Variants in ZFHX3 observed in about 807,000 individuals in gnomAD.
ZFHX3 encodes zinc finger homeobox protein 3.
In ZFHX3, 42 loss-of-function variants were observed where a neutral mutation model predicts 279.1. The ratio of observed to expected loss-of-function variants is 0.15; its 90% CI spans 0.12 to 0.19. ZFHX3 has a LOEUF of 0.19. Ranked by LOEUF, ZFHX3 falls within the 10% of genes least tolerant of loss-of-function variation. ZFHX3 has a pLI of 1.00. For synonymous variants in ZFHX3, 2,293 were observed against 1,957.8 expected (o/e 1.17, Z -4.52); for missense variants, 4,981 against 4,754.0 (o/e 1.05, Z -1.40).
intron 7 of ZFHX3, chr16:72,807,094 C>T (rs1273700721): frequency 2.0e-5 from 3 of 152,194 alleles, no homozygotes; most frequent in Admixed American, 2.0e-4. Context: ...CCCATGCCTT[C>T]CACCCTTCTT....
intron 1 of ZFHX3, among the ~76,000 whole-genome samples, chr16:73,054,771 T>C (rs1370504258): frequency 6.6e-6 from 1 of 152,128 alleles, no homozygotes; most frequent in Non-Finnish European, 1.5e-5. Flanking sequence ...GGCATATATA[T>C]AGCCGCCGTT....
At chr16:73,645,033 G>A (rs927117529) in intron 2 of ZFHX3, among the ~76,000 whole-genome samples, 3 of 152,198 alleles carry the variant, frequency 2.0e-5, no homozygotes, top group Non-Finnish European at 4.4e-5. Flanking sequence ...GTTTAGGGGA[G>A]GCAGGAGAGA....
intron 4 of ZFHX3, among the ~76,000 whole-genome samples, chr16:72,839,454 G>C (rs1345995367): frequency 6.6e-6 from 1 of 152,088 alleles, no homozygotes; most frequent in African/African-American, 2.4e-5. Flanking sequence ...GAATGTTCTA[G>C]AAAGAAGGGG....
intron 2 of ZFHX3, among the ~76,000 whole-genome samples, chr16:72,957,043 T>C (rs530969190): frequency 2.0e-5 from 3 of 152,136 alleles, no homozygotes; most frequent in Non-Finnish European, 4.4e-5. Context: ...AATGATTGCC[T>C]CAGCTACAGT....
At chr16:72,884,576 C>G (rs1406302235) in intron 4 of ZFHX3, among the ~76,000 whole-genome samples, 1 of 152,004 alleles carries the variant, frequency 6.6e-6, no homozygotes, top group African/African-American at 2.4e-5. Context: ...ATTTGGAGGT[C>G]TATGTCTACA....
chr16:73,527,783 C>T (rs994606618), intron 2 of ZFHX3, among the ~76,000 whole-genome samples: 6 of 152,206 alleles, frequency 3.9e-5, no homozygotes, highest in African/African-American at 1.4e-4. Context: ...GGACCCAAGA[C>T]CTGCCACCAG....
intron 1 of ZFHX3, among the ~76,000 whole-genome samples, chr16:73,044,841 G>A (rs1345749979): frequency 2.0e-5 from 3 of 152,026 alleles, no homozygotes; most frequent in African/African-American, 4.8e-5. Flanking sequence ...GGCTGGTCTC[G>A]AACTCCCAAC....
intron 1 of ZFHX3, among the ~76,000 whole-genome samples, chr16:73,735,567 C>T (rs950708232): frequency 3.9e-5 from 6 of 152,102 alleles, no homozygotes; most frequent in Non-Finnish European, 8.8e-5. Context: ...TCAGAAATAA[C>T]CTGGTTTGCA....
intron 4 of ZFHX3, among the ~76,000 whole-genome samples, chr16:72,861,790 G>A (rs1011404341): frequency 7.9e-5 from 12 of 152,066 alleles, no homozygotes; most frequent in Non-Finnish European, 1.6e-4. Flanking sequence ...AGAGGCGGGC[G>A]GGTCACTTAA....
exon 1 of ZFHX3, chr16:73,058,572 GCGA>G: frequency 4.3e-6 from 1 of 233,200 alleles, no homozygotes; most frequent in Non-Finnish European, 8.2e-6. Context: ...GGCGCTGCTG[GCGA>G]CGGCGGCGGC....
At chr16:73,060,008 TAAGAG>T (rs1248135682), upstream of ZFHX3, among the ~76,000 whole-genome samples, 1 of 152,088 alleles carries the variant, frequency 6.6e-6, no homozygotes, top group Non-Finnish European at 1.5e-5. Flanking sequence ...TTTCTGGACT[TAAGAG>T]AAAAGTAAAA....
intron 2 of ZFHX3, among the ~76,000 whole-genome samples, chr16:73,613,775 G>A (rs1218436651): frequency 1.3e-5 from 2 of 152,148 alleles, no homozygotes; most frequent in South Asian, 2.1e-4. Flanking sequence ...CGGCATCTGC[G>A]CATTTCACAA....
At chr16:73,473,339 C>CAAAAAAGAAAAAAAAA (rs2018702889) in intron 2 of ZFHX3, among the ~76,000 whole-genome samples, 1 of 76,658 alleles carries the variant, frequency 1.3e-5, no homozygotes. Flanking sequence ...TGTCTCAAAG[C>CAAAAAAGAAAAAAAAA]AAAAAAAAAA....
intron 3 of ZFHX3, among the ~76,000 whole-genome samples, chr16:72,940,824 T>C (rs1305781767): frequency 4.6e-5 from 7 of 152,216 alleles, no homozygotes; most frequent in Admixed American, 3.9e-4. Flanking sequence ...TAGATAAACA[T>C]TTCTAACCTT....
At chr16:72,906,064 C>T (rs1025236411) in intron 3 of ZFHX3, among the ~76,000 whole-genome samples, 1 of 151,934 alleles carries the variant, frequency 6.6e-6, no homozygotes, top group South Asian at 2.1e-4. Flanking sequence ...CAGCTACGCC[C>T]AAACTCTGGG....
At chr16:73,139,430 T>A (rs1355908278) in intron 6 of ZFHX3, among the ~76,000 whole-genome samples, 1 of 152,276 alleles carries the variant, frequency 6.6e-6, no homozygotes, top group Non-Finnish European at 1.5e-5. Flanking sequence ...TTGGCGATTT[T>A]AATTTTTATG....
In ZFHX3 at chr16:72,796,853, G is replaced by A. The variant is rs201383241; in HGVS notation, c.5829C>T (p.Asn1943=). ...AGTTCTCCAGCAGGGCCTTGGTGGCGTTCCCTCTGGCATCTGAAGCAATGC... is the reference window on the plus strand; with the variant it reads ...AGTTCTCCAGCAGGGCCTTGGTGGCATTCCCTCTGGCATCTGAAGCAATGC... ...PPRIASDARG[N]ATKALLENFG... is the part of the protein sequence containing the mutation. Residue 1943 remains asparagine, a synonymous_variant, in exon 9 of 10, where the codon AAC becomes AAT. Transcript: ENST00000268489. 60 of 1,613,436 alleles carry A rather than the reference G, an allele frequency of 3.7e-5. No homozygotes were observed. Among genetic ancestry groups the A allele is most frequent in the East Asian group, 3.6e-4 (16 of 44,736 alleles).
At chr16:73,236,923 C>A (rs2012967844) in intron 5 of ZFHX3, among the ~76,000 whole-genome samples, 1 of 152,206 alleles carries the variant, frequency 6.6e-6, no homozygotes, top group Non-Finnish European at 1.5e-5. Flanking sequence ...GGCACTTCAG[C>A]AAATGGTGAA....
At chr16:73,500,813 G>C (rs1256176975) in intron 2 of ZFHX3, among the ~76,000 whole-genome samples, 1 of 151,794 alleles carries the variant, frequency 6.6e-6, no homozygotes, top group East Asian at 1.9e-4. Flanking sequence ...AGTTTATAAA[G>C]GAAAAAAGTT....
Sources: allele counts gnomAD v4.1 joint callset (sites outside exome capture counted in the v4.1 genomes callset), GRCh38; gene constraint gnomAD v4.1.1; transcripts MANE v1.5; gene names NCBI Gene and HGNC (gene_info 2026-07-23, HGNC 2026-07-21).